The following ANKS1B variants were observed in gnomAD, a reference collection of about 807,000 sequenced individuals.
ANKS1B encodes the protein ankyrin repeat and sterile alpha motif domain containing 1B.
A neutral mutation model predicts 148.3 loss-of-function variants in ANKS1B; 36 were observed. The observed-to-expected ratio is 0.24, with a 90% CI of 0.19 to 0.32. The LOEUF (loss-of-function observed/expected upper bound fraction) is 0.32. Ranked by LOEUF, ANKS1B falls within the 10% of genes least tolerant of loss-of-function variation. The pLI is 1.00. For synonymous variants in ANKS1B, 542 were observed against 560.8 expected (o/e 0.97, Z 0.47); for missense variants, 1,157 against 1,542.6 (o/e 0.75, Z 4.19).
intron 17 of ANKS1B, among the ~76,000 whole-genome samples, chr12:99,039,554 G>A (rs2153485044): frequency 6.6e-6 from 1 of 152,318 alleles, no homozygotes; most frequent in Middle Eastern, 3.4e-3. Flanking sequence ...TTGCCCCAGT[G>A]GAATAAGGAA....
chr12:99,520,657 T>C (rs1028938700), intron 9 of ANKS1B, among the ~76,000 whole-genome samples: 2 of 152,180 alleles, frequency 1.3e-5, no homozygotes, highest in Non-Finnish European at 2.9e-5. Context: ...TTGAATAAAC[T>C]TTCTACCCCC....
intron 12 of ANKS1B, among the ~76,000 whole-genome samples, chr12:99,333,854 G>GTTTTTTTTTTTTTTTTTTTTTTTTT (rs10526476): frequency 8.4e-5 from 9 of 107,484 alleles, no homozygotes; most frequent in African/African-American, 2.8e-4. Context: ...CCAGTTCTCA[G>GTTTTTTTTTTTTTTTTTTTTTTTTT]TTTTTTTTTT....
chr12:99,414,603 T>C (rs1221815419), intron 11 of ANKS1B, among the ~76,000 whole-genome samples: 1 of 152,138 alleles, frequency 6.6e-6, no homozygotes, highest in Non-Finnish European at 1.5e-5. Flanking sequence ...ACACCACATG[T>C]TCTCACTCAT....
At chr12:99,572,923 G>T (rs1248235558) in intron 9 of ANKS1B, among the ~76,000 whole-genome samples, 1 of 151,936 alleles carries the variant, frequency 6.6e-6, no homozygotes, top group Non-Finnish European at 1.5e-5. Flanking sequence ...TATTTTGAAT[G>T]TGTTACATCA....
chr12:99,671,615 TA>T (rs1425090429), intron 8 of ANKS1B, among the ~76,000 whole-genome samples: 1 of 152,128 alleles, frequency 6.6e-6, no homozygotes, highest in Non-Finnish European at 1.5e-5. Context: ...AGTATATAAT[TA>T]AAATGTATAT....
chr12:99,716,144 CG>C (rs2057293655), intron 8 of ANKS1B, among the ~76,000 whole-genome samples: 3 of 152,092 alleles, frequency 2.0e-5, no homozygotes, highest in Admixed American at 2.0e-4. Context: ...AAGAACCCCC[CG>C]ATCCCTTATT....
At chr12:99,783,836 A>G (rs997430246) in intron 4 of ANKS1B, among the ~76,000 whole-genome samples, 25 of 152,136 alleles carry the variant, frequency 1.6e-4, no homozygotes, top group Non-Finnish European at 7.3e-5. Flanking sequence ...ATAGTTAACA[A>G]TAATTGATTA....
At chr12:98,793,924 A>G (rs2098918957) in intron 22 of ANKS1B, among the ~76,000 whole-genome samples, 1 of 152,252 alleles carries the variant, frequency 6.6e-6, no homozygotes, top group Non-Finnish European at 1.5e-5. Flanking sequence ...ATTGAAGAGC[A>G]GAACCTCATC....
At chr12:99,085,608 C>T (rs2051432973) in intron 15 of ANKS1B, among the ~76,000 whole-genome samples, 1 of 152,088 alleles carries the variant, frequency 6.6e-6, no homozygotes, top group Admixed American at 6.6e-5. Context: ...CACATAGAAT[C>T]AACCTAAATG....
At chr12:98,768,605 G>T (rs1011508089) in intron 25 of ANKS1B, among the ~76,000 whole-genome samples, 1 of 151,638 alleles carries the variant, frequency 6.6e-6, no homozygotes, top group African/African-American at 2.4e-5. Context: ...GTGCTGGCGG[G>T]TGCCTGTAGT....
At chr12:99,359,269 T>G (rs1470963230) in intron 12 of ANKS1B, among the ~76,000 whole-genome samples, 1 of 152,122 alleles carries the variant, frequency 6.6e-6, no homozygotes, top group African/African-American at 2.4e-5. Context: ...ATATCTGGTA[T>G]CTACCCTTAA....
At chr12:99,783,105 T>C (rs2064536304) in intron 4 of ANKS1B, among the ~76,000 whole-genome samples, 1 of 150,842 alleles carries the variant, frequency 6.6e-6, no homozygotes, top group Admixed American at 6.6e-5. Flanking sequence ...ACAGGGGAAT[T>C]GCTTGAACCA....
chr12:98,745,745 A>G lies in ANKS1B; in HGVS notation c.3852T>C (p.Ile1284=), dbSNP rs751265265. The G allele has an allele frequency of 5.6e-6, 9 of 1,613,486 alleles. No individual in the cohort carries two copies. The highest frequency in any genetic ancestry group is 5.9e-6 in the Non-Finnish European group (7 of 1,179,692). The change falls in exon 27 of 27, where the codon ATT becomes ATC. Residue 1284 remains isoleucine, a synonymous_variant. Coordinates refer to ENST00000683438, the MANE Select transcript of ANKS1B (RefSeq NM_001352186.2). ...RGINTKYETT[I]F is the part of the protein sequence containing the mutation. ...GACAGGAGGACGGCGAGTATCAGAA[A>G]ATCGTGGTTTCATACTTGGTATTAA...
At chr12:99,387,075 A>G (rs1202041992) in intron 12 of ANKS1B, among the ~76,000 whole-genome samples, 1 of 152,214 alleles carries the variant, frequency 6.6e-6, no homozygotes, top group African/African-American at 2.4e-5. Flanking sequence ...AGACATGTAA[A>G]TAATTTTGTG....
At chr12:99,677,348 TTG>T (rs201162891) in intron 8 of ANKS1B, among the ~76,000 whole-genome samples, 59 of 150,238 alleles carry the variant, frequency 3.9e-4, no homozygotes, top group African/African-American at 1.4e-3. Context: ...TTTTATTTTT[TTG>T]TTTTTTTTCC....
At chr12:99,626,279 T>A (rs1406370784) in intron 9 of ANKS1B, among the ~76,000 whole-genome samples, 1 of 152,158 alleles carries the variant, frequency 6.6e-6, no homozygotes, top group Non-Finnish European at 1.5e-5. Flanking sequence ...ACCTTTTCAA[T>A]ATATTTTAAG....
In ANKS1B at chr12:98,825,745, G is replaced by A. The variant is rs999736171; in HGVS notation, c.3066+3429C>T. Among the ~76,000 whole-genome samples, 34 of 151,896 alleles carry A rather than the reference G, an allele frequency of 2.2e-4. 1 individual carries two copies. The highest frequency in any genetic ancestry group is 6.5e-4 in the African/African-American group (27 of 41,416). ...TTATTGTTCATTTTAAGGGTACTTCGACTTCTAAATATCATTCAAGAAAAC... is the reference window on the plus strand; with the variant it reads ...TTATTGTTCATTTTAAGGGTACTTCAACTTCTAAATATCATTCAAGAAAAC... On this transcript the variant is annotated intron_variant, in intron 19 of 26. Coordinates refer to ENST00000683438, the MANE Select transcript of ANKS1B (RefSeq NM_001352186.2).
At chr12:99,872,744 A>G (rs970138014) in intron 1 of ANKS1B, among the ~76,000 whole-genome samples, 13 of 152,178 alleles carry the variant, frequency 8.5e-5, no homozygotes, top group African/African-American at 2.9e-4. Context: ...AAGGATCACC[A>G]GACAAAAATA....
intron 1 of ANKS1B, among the ~76,000 whole-genome samples, chr12:99,960,854 G>A (rs933997927): frequency 1.3e-5 from 2 of 152,144 alleles, no homozygotes; most frequent in Non-Finnish European, 2.9e-5. Flanking sequence ...GAAACTCCTG[G>A]ACAGTTACAG....
Sources: gnomAD v4.1 joint callset for allele counts (sites outside exome capture counted in the v4.1 genomes callset) on GRCh38, gnomAD v4.1.1 for gene constraint, MANE v1.5 for transcripts, NCBI Gene and HGNC (gene_info 2026-07-23, HGNC 2026-07-21) for gene names.